CATSPERD: variants seen among roughly 807,000 people sequenced by gnomAD.
CATSPERD encodes the protein catsper channel auxiliary subunit delta.
Under a neutral mutation model 98.1 loss-of-function variants are expected in CATSPERD, and 86 were observed. That is an observed-to-expected ratio of 0.88 (90% CI 0.74 to 1.05). The LOEUF (loss-of-function observed/expected upper bound fraction) is 1.05. Among genes scored for constraint, CATSPERD ranks in the 50% least tolerant of loss-of-function variants. The pLI, the probability that CATSPERD is intolerant of heterozygous loss-of-function variation, is 0.00. For missense variants in CATSPERD, 995 were observed against 1,005.7 expected, an observed-to-expected ratio of 0.99 and a Z score of 0.14; for synonymous variants, 394 against 390.2, an observed-to-expected ratio of 1.01 and a Z score of -0.12.
intron 16 of CATSPERD, among the ~76,000 whole-genome samples, chr19:5,764,897 G>T (rs1343416734): frequency 6.6e-6 from 1 of 152,070 alleles, no homozygotes; most frequent in Non-Finnish European, 1.5e-5. Flanking sequence ...TTACAGGTGT[G>T]AGCCACAGCA....
intron 19 of CATSPERD, among the ~76,000 whole-genome samples, chr19:5,771,707 A>G (rs1240768190): frequency 2.0e-5 from 3 of 151,102 alleles, no homozygotes; most frequent in Non-Finnish European, 2.9e-5. Flanking sequence ...AGTATCTGGG[A>G]TTACAGGCGC....
chr19:5,728,862 C>T (rs1297781193), intron 3 of CATSPERD, among the ~76,000 whole-genome samples: 1 of 151,766 alleles, frequency 6.6e-6, no homozygotes, highest in African/African-American at 2.4e-5. Context: ...CCACGCCTGA[C>T]TAATTTTTGT....
intron 5 of CATSPERD, among the ~76,000 whole-genome samples, chr19:5,735,318 A>T (rs1420632092): frequency 7.2e-6 from 1 of 138,688 alleles, no homozygotes; most frequent in Non-Finnish European, 1.6e-5. Flanking sequence ...TTTGTTTGTT[A>T]GTTTGTTTTG....
rs76477599 is a variant in CATSPERD at position 5,753,911 on chromosome 19, G to A, written c.1165-221G>A. ...AGGAACAGAAAGAAGCAATTACTGC[G>A]CATGTCAGGGTTGGGGAATACTTCT... On this transcript the variant is annotated intron_variant, in intron 12 of 21. Coordinates refer to ENST00000381624, the MANE Select transcript of CATSPERD (RefSeq NM_152784.4). Among the ~76,000 whole-genome samples the A allele has an allele frequency of 2.8e-3, 428 of 152,014 alleles. 6 individuals carry two copies. The highest frequency in any genetic ancestry group is 7.4e-3 in the African/African-American group (307 of 41,490).
intron 13 of CATSPERD, 87 bp downstream of exon 13, chr19:5,754,332 C>T: frequency 1.2e-6 from 1 of 867,502 alleles, no homozygotes; most frequent in Non-Finnish European, 2.0e-6. Context: ...CCCCTGGCAT[C>T]CCCCACAAGG....
intron 11 of CATSPERD, among the ~76,000 whole-genome samples, chr19:5,750,435 A>G (rs1459125484): frequency 8.8e-6 from 1 of 114,256 alleles, no homozygotes; most frequent in Non-Finnish European, 1.7e-5. Context: ...TGGGTGACTG[A>G]GCGAGACTCT....
In CATSPERD at chr19:5,755,553, T is replaced by C. The variant is rs2056308520; in HGVS notation, c.1278+1308T>C. Among the ~76,000 whole-genome samples the C allele has an allele frequency of 2.6e-5, 4 of 152,140 alleles. No individual in the cohort carries two copies. The South Asian group carries it at 8.3e-4, about 32-fold the overall frequency. ...AGGAGGCTGAGGTGGGAAGATCGCT[T>C]GAACCCAGGAGCTCGAGACTAGCCT... On this transcript the variant is annotated intron_variant, in intron 13 of 21. Transcript: ENST00000381624.
chr19:5,776,830 C>T (rs149841726), intron 21 of CATSPERD, among the ~76,000 whole-genome samples: 9 of 150,914 alleles, frequency 6.0e-5, no homozygotes, highest in East Asian at 5.8e-4. Flanking sequence ...GCTGAGATTG[C>T]GCCACTCACT....
chr19:5,724,936 T>G, intron 2 of CATSPERD, 74 bp downstream of exon 2: 1 of 1,367,864 alleles, frequency 7.3e-7, no homozygotes, highest in South Asian at 1.2e-5. Flanking sequence ...CTTCCTGGTA[T>G]TTCTTGGGTG....
chr19:5,772,388 C>T (rs572901385), intron 19 of CATSPERD: 25 of 254,710 alleles, frequency 9.8e-5, no homozygotes, highest in East Asian at 2.8e-4. Flanking sequence ...CCACTGCGCC[C>T]GGCTAATTTT....
At chr19:5,741,785 C>CGGGGGGTGGGTGG (rs2055969888) in intron 7 of CATSPERD, among the ~76,000 whole-genome samples, 1 of 6,100 alleles carries the variant, frequency 1.6e-4, no homozygotes, top group African/African-American at 3.9e-4. Flanking sequence ...ATGCTGAAGG[C>CGGGGGGTGGGTGG]GGGGGGGGGG....
chr19:5,758,573 CAAAAAAAA>C (rs71172762), intron 14 of CATSPERD, among the ~76,000 whole-genome samples: 3 of 109,664 alleles, frequency 2.7e-5, no homozygotes, highest in African/African-American at 7.0e-5. Context: ...ACTAAAAATA[CAAAAAAAA>C]AAAAAAAAAA....
chr19:5,766,837 C>T (rs1340206783), intron 17 of CATSPERD, among the ~76,000 whole-genome samples: 1 of 151,412 alleles, frequency 6.6e-6, no homozygotes, highest in Non-Finnish European at 1.5e-5. Context: ...AGATTACAGG[C>T]GCCCGCTACC....
At chr19:5,771,142 C>G in intron 19 of CATSPERD, 70 bp downstream of exon 19, 1 of 1,507,822 alleles carries the variant, frequency 6.6e-7, no homozygotes, top group Non-Finnish European at 8.9e-7. Context: ...CCCTGGGGTA[C>G]CAGCCTGGCC....
chr19:5,733,136 G>A (rs1156365653), intron 4 of CATSPERD, among the ~76,000 whole-genome samples: 1 of 151,674 alleles, frequency 6.6e-6, no homozygotes, highest in Non-Finnish European at 1.5e-5. Flanking sequence ...TGGGACTATA[G>A]GCACCTGCCA....
chr19:5,747,268 A>G (rs2056113101), intron 9 of CATSPERD, among the ~76,000 whole-genome samples: 1 of 143,664 alleles, frequency 7.0e-6, no homozygotes, highest in Non-Finnish European at 1.5e-5. Flanking sequence ...CCCACCTCTC[A>G]GGCTCAAGTG....
intron 19 of CATSPERD, chr19:5,771,986 C>A: frequency 6.4e-6 from 1 of 156,254 alleles, no homozygotes; most frequent in Non-Finnish European, 1.4e-5. Flanking sequence ...TCTTTTCCTC[C>A]CTTTCCTCCC....
chr19:5,756,825 C>T (rs2056332535), intron 13 of CATSPERD, among the ~76,000 whole-genome samples: 1 of 151,878 alleles, frequency 6.6e-6, no homozygotes, highest in African/African-American at 2.4e-5. Context: ...TGCTTGGAAT[C>T]CCAGCTACTC....
chr19:5,778,522 G>A lies in CATSPERD; in HGVS notation c.2243G>A (p.Arg748His), dbSNP rs114675826. The A allele has an allele frequency of 6.8e-4, 1,095 of 1,613,994 alleles. 4 individuals carry two copies. In the African/African-American group the frequency reaches 0.01, roughly 15 times the overall value. The change falls in exon 22 of 22, where the codon CGC becomes CAC. Residue 748 changes from arginine (R) to histidine (H), a missense_variant. By Grantham distance (29) the Arg-to-His change is conservative (BLOSUM62 0). This residue lies in a region of CATSPERD where 762 missense variants were observed against 773.7 expected (regional missense o/e 0.98). Transcript: ENST00000381624. ...WLAYKTPKLL[R>H]TARGRRIKKC... The stretch of plus-strand genomic sequence containing the variant: ...GCCTACAAGACCCCCAAGCTGCTAC[G>A]CACAGCACGCGGCCGCAGGATCAAG...
Sources: gnomAD v4.1 joint callset for allele counts (sites outside exome capture counted in the v4.1 genomes callset) on GRCh38, gnomAD v4.1.1 for gene constraint, gnomAD v4.1.1 regional missense constraint, MANE v1.5 for transcripts, NCBI Gene and HGNC (gene_info 2026-07-23, HGNC 2026-07-21) for gene names.